The following THADA variants were observed in gnomAD, a reference collection of about 807,000 sequenced individuals.
The protein encoded by THADA is tRNA (32-2'-O)-methyltransferase regulator THADA.
A neutral mutation model predicts 219.8 loss-of-function variants in THADA; 213 were observed. That is an observed-to-expected ratio of 0.97 (90% CI 0.87 to 1.09). The LOEUF (loss-of-function observed/expected upper bound fraction) is 1.09, where lower values mean the gene tolerates loss of function less well. Ranked by LOEUF, THADA falls within the 50% of genes least tolerant of loss-of-function variation. The probability of loss-of-function intolerance (pLI) is 0.00; values close to 1 mark genes in which losing one functional copy is unlikely to be tolerated. For synonymous variants in THADA, 1,018 were observed against 828.9 expected, an observed-to-expected ratio of 1.23 and a Z score of -3.92; for missense variants, 2,956 against 2,311.3, an observed-to-expected ratio of 1.28 and a Z score of -5.72.
intron 15 of THADA, among the ~76,000 whole-genome samples, chr2:43,560,784 A>G (rs1697966062): frequency 6.6e-6 from 1 of 152,146 alleles, no homozygotes; most frequent in Non-Finnish European, 1.5e-5. Flanking sequence ...TGGGAGGCTG[A>G]GGTGGGTGGA....
chr2:43,355,748 T>G (rs1668805491), intron 29 of THADA, among the ~76,000 whole-genome samples: 1 of 152,218 alleles, frequency 6.6e-6, no homozygotes, highest in African/African-American at 2.4e-5. Context: ...CTGAAAAAAC[T>G]ATCCCTTTCC....
At chr2:43,486,860 C>A (rs1573895243) in intron 25 of THADA, among the ~76,000 whole-genome samples, 1 of 152,172 alleles carries the variant, frequency 6.6e-6, no homozygotes, top group South Asian at 2.1e-4. Flanking sequence ...GAACCAAACA[C>A]CATGAAAGCC....
chr2:43,336,493 A>G (rs1043793150), intron 30 of THADA, among the ~76,000 whole-genome samples: 2 of 151,596 alleles, frequency 1.3e-5, no homozygotes, highest in African/African-American at 4.9e-5. Context: ...GCTGGTCTTG[A>G]ACTCCTGACC....
intron 22 of THADA, among the ~76,000 whole-genome samples, chr2:43,523,696 A>C (rs1692788933): frequency 6.6e-6 from 1 of 152,230 alleles, no homozygotes; most frequent in Non-Finnish European, 1.5e-5. Flanking sequence ...TTTAATGACA[A>C]AAACTACTAA....
At position 43,586,528 on chromosome 2, in the gene THADA, C is replaced by A. The variant is rs1701044303; in HGVS notation, c.485-79G>T. 3.6e-6 allele frequency: 5 copies of A among 1,373,758 alleles called. No individual in the cohort carries two copies. The South Asian group carries it at 7.0e-5, about 19-fold the overall frequency. The allele number at this position is 1,373,758 out of a possible 1,614,324, so 85.1% of individuals were successfully genotyped here. On this transcript the variant is annotated intron_variant, in intron 6 of 37. Transcript: ENST00000405975. ...CAATAAAATAAAATATTTTATATCACTGTTATCCAAAATGATATCATGATA... is the reference window on the plus strand; with the variant it reads ...CAATAAAATAAAATATTTTATATCAATGTTATCCAAAATGATATCATGATA...
At chr2:43,368,321 T>C (rs17406278) in intron 29 of THADA, among the ~76,000 whole-genome samples, 16,007 of 152,236 alleles carry the variant, frequency 0.11, 915 homozygotes, top group Middle Eastern at 0.12. Context: ...TTACTTGCCA[T>C]ACAAATCTAG....
intron 28 of THADA, among the ~76,000 whole-genome samples, chr2:43,415,880 A>T (rs1676892322): frequency 6.7e-6 from 1 of 148,270 alleles, no homozygotes; most frequent in Non-Finnish European, 1.5e-5. Flanking sequence ...GCAGAATGCA[A>T]ATCTCTCTCT....
At chr2:43,564,464 T>G (rs1169996259) in intron 15 of THADA, 1 of 152,282 alleles carries the variant, frequency 6.6e-6, no homozygotes, top group Non-Finnish European at 1.5e-5. Flanking sequence ...CTCCTCTTTC[T>G]TTTGTTTGTC....
intron 31 of THADA, among the ~76,000 whole-genome samples, chr2:43,297,365 A>T (rs1356803369): frequency 1.0e-5 from 1 of 95,694 alleles, no homozygotes; most frequent in Non-Finnish European, 1.9e-5. Context: ...CTGAGAAGTG[A>T]GGAGCCTCTC....
chr2:43,364,377 G>A (rs1020709251), intron 29 of THADA, among the ~76,000 whole-genome samples: 7 of 152,108 alleles, frequency 4.6e-5, no homozygotes, highest in African/African-American at 1.4e-4. Flanking sequence ...CACTACTAAC[G>A]TTCCCCAAAT....
At position 43,328,092 on chromosome 2, in the gene THADA, C is replaced by T. The variant is rs79005566; in HGVS notation, c.4344-7552G>A. ...GTATAAATTAAATAAAAAGAACCCA[C>T]ATCTGCCATTCCGATTTCCAATTTT... is the stretch of plus-strand genomic sequence containing the variant. On this transcript the variant is annotated intron_variant, in intron 30 of 37. Transcript: ENST00000405975. Among the ~76,000 whole-genome samples, 1,196 of 152,366 alleles carry T rather than the reference C, an allele frequency of 7.8e-3. 15 individuals are homozygous for T. Among genetic ancestry groups the T allele is most frequent in the African/African-American group, 0.027 (1,103 of 41,586 alleles).
At chr2:43,232,963 A>C in intron 36 of THADA, 81 bp from the exon 37 acceptor site, 1 of 1,443,486 alleles carries the variant, frequency 6.9e-7, no homozygotes, top group Non-Finnish European at 9.3e-7. Context: ...CCTGGGAACA[A>C]TAAAGGCCTC....
intron 35 of THADA, among the ~76,000 whole-genome samples, chr2:43,281,116 C>T (rs571726569): frequency 6.6e-6 from 1 of 152,210 alleles, no homozygotes; most frequent in African/African-American, 2.4e-5. Flanking sequence ...TAAGAACTCC[C>T]CTTTGTCTAT....
rs190862552 is a variant in THADA, at chr2:43,350,337, T to C, written c.4228-6100A>G. ...AATCACATCACTGCTGGGAAACAGA[T>C]ACAGCAAAAATTATTCAAAATGCAG... On this transcript the variant is annotated intron_variant, in intron 29 of 37. Coordinates refer to ENST00000405975, the MANE Select transcript of THADA (RefSeq NM_022065.5). Among the ~76,000 whole-genome samples, 8 of 152,326 alleles carry C rather than the reference T, an allele frequency of 5.3e-5. No homozygotes were observed. In the East Asian group the frequency reaches 1.2e-3, roughly 22 times the overall value.
rs370633037 is a variant in THADA, at chr2:43,287,008, C to T, written c.5064G>A (p.Leu1688=). 1.4e-5 allele frequency: 22 copies of T among 1,613,916 alleles called. No homozygotes were observed. The highest frequency in any genetic ancestry group is 1.8e-5 in the Non-Finnish European group (21 of 1,179,856). ...ELKQWVQLVI[L]SCEDHLPTES... ...CTGTAGGAAGATGGTCTTCACATGA[C>T]AAGATGACCAGCTGAACCCACTGCT... Residue 1688 remains leucine (L), a synonymous_variant, in exon 35 of 38, where the codon TTG becomes TTA. Transcript: ENST00000405975.
chr2:43,334,987 C>A (rs1199160307), intron 30 of THADA, among the ~76,000 whole-genome samples: 1 of 152,138 alleles, frequency 6.6e-6, no homozygotes, highest in Non-Finnish European at 1.5e-5. Flanking sequence ...AGCTCAGCCA[C>A]AAGCCCTTGA....
At chr2:43,514,493 T>C (rs1000480435) in intron 22 of THADA, among the ~76,000 whole-genome samples, 2 of 138,208 alleles carry the variant, frequency 1.4e-5, no homozygotes, top group Non-Finnish European at 3.0e-5. Flanking sequence ...ATATACATAA[T>C]ATATACGTAT....
At chr2:43,442,132 T>C (rs1248391792) in intron 26 of THADA, among the ~76,000 whole-genome samples, 1 of 152,074 alleles carries the variant, frequency 6.6e-6, no homozygotes, top group Non-Finnish European at 1.5e-5. Flanking sequence ...ATGGATAGTT[T>C]TGTGGGGAAA....
intron 36 of THADA, among the ~76,000 whole-genome samples, chr2:43,245,543 TCTTTGTGAAG>T (rs1438039582): frequency 6.6e-6 from 1 of 152,172 alleles, no homozygotes; most frequent in African/African-American, 2.4e-5. Flanking sequence ...CCTTCTGAGT[TCTTTGTGAAG>T]CTTCACTGGC....
Sources: gnomAD v4.1 joint callset for allele counts (sites outside exome capture counted in the v4.1 genomes callset) on GRCh38, gnomAD v4.1.1 for gene constraint, MANE v1.5 for transcripts, NCBI Gene and HGNC (gene_info 2026-07-23, HGNC 2026-07-21) for gene names.